The following ARHGAP26 variants were observed in gnomAD, a reference collection of about 807,000 sequenced individuals.
ARHGAP26 encodes the protein rho GTPase-activating protein 26.
Under a neutral mutation model 104.8 loss-of-function variants are expected in ARHGAP26, and 38 were observed. That is an observed-to-expected ratio of 0.36 (90% CI 0.28 to 0.48). The LOEUF (loss-of-function observed/expected upper bound fraction) is 0.48. Ranked by LOEUF, ARHGAP26 falls within the 20% of genes least tolerant of loss-of-function variation. The pLI, the probability that ARHGAP26 is intolerant of heterozygous loss-of-function variation, is 0.99. For synonymous variants in ARHGAP26, 341 were observed against 340.0 expected (o/e 1.00, Z -0.03); for missense variants, 704 against 947.9 (o/e 0.74, Z 3.38).
chr5:142,861,938 A>T (rs1256781332), intron 1 of ARHGAP26, among the ~76,000 whole-genome samples: 1 of 152,170 alleles, frequency 6.6e-6, no homozygotes, highest in Non-Finnish European at 1.5e-5. Flanking sequence ...TTGCCCTCAA[A>T]TTCACGTTAG....
At chr5:142,788,349 C>T (rs1333407413) in intron 1 of ARHGAP26, among the ~76,000 whole-genome samples, 2 of 152,174 alleles carry the variant, frequency 1.3e-5, no homozygotes, top group Admixed American at 6.5e-5. Context: ...GCTTGCTTCC[C>T]GACTCCCACC....
At chr5:143,050,449 A>G (rs1784852134) in intron 14 of ARHGAP26, among the ~76,000 whole-genome samples, 1 of 152,092 alleles carries the variant, frequency 6.6e-6, no homozygotes, top group Admixed American at 6.5e-5. Flanking sequence ...TTATAGTAGC[A>G]TGCTTCACCC....
intron 17 of ARHGAP26, among the ~76,000 whole-genome samples, chr5:143,074,506 GA>G (rs1431561343): frequency 6.6e-6 from 1 of 152,018 alleles, no homozygotes; most frequent in Non-Finnish European, 1.5e-5. Context: ...AAATAATTGA[GA>G]AAAAAATGCA....
intron 19 of ARHGAP26, among the ~76,000 whole-genome samples, chr5:143,146,773 G>A (rs909768750): frequency 2.6e-5 from 4 of 152,224 alleles, no homozygotes; most frequent in Non-Finnish European, 5.9e-5. Flanking sequence ...GAGGCTCTAT[G>A]GAATTGGAGG....
At position 143,140,661 on chromosome 5, in the gene ARHGAP26, T is replaced by TC. The variant is rs1164408750; in HGVS notation, c.1837+6562dup. Among the ~76,000 whole-genome samples the TC allele has an allele frequency of 3.4e-5, 5 of 146,964 alleles. No homozygotes were observed. In the South Asian group the frequency reaches 8.7e-4, roughly 26 times the overall value. ...GCCCATATGTGAGGGAAATGCAGAT[T>TC]CCCCCCGGCCCCTGAGACAGCCTGT... On this transcript the variant is annotated intron_variant, in intron 19 of 22. Transcript: ENST00000645722.
chr5:143,022,231 C>G (rs562537476), intron 12 of ARHGAP26, among the ~76,000 whole-genome samples: 6 of 152,262 alleles, frequency 3.9e-5, no homozygotes, highest in East Asian at 3.9e-4. Context: ...GCTACCACAC[C>G]TGGCTAATTT....
chr5:143,168,936 T>C (rs1195272032), intron 20 of ARHGAP26: 2 of 152,250 alleles, frequency 1.3e-5, no homozygotes, highest in East Asian at 3.8e-4. Context: ...TTTATTTTCA[T>C]TTGGATGGGT....
intron 20 of ARHGAP26, among the ~76,000 whole-genome samples, chr5:143,186,633 T>G (rs1294662163): frequency 1.3e-5 from 2 of 152,212 alleles, no homozygotes; most frequent in African/African-American, 4.8e-5. Flanking sequence ...AGCTCAGGAT[T>G]GACACCTCCA....
intron 17 of ARHGAP26, among the ~76,000 whole-genome samples, chr5:143,078,810 T>C (rs575183651): frequency 6.6e-6 from 1 of 152,314 alleles, no homozygotes; most frequent in Non-Finnish European, 1.5e-5. Flanking sequence ...AAAATCAACT[T>C]TAGAGACTTT....
chr5:142,912,901 T>A (rs979323719), intron 9 of ARHGAP26, among the ~76,000 whole-genome samples: 1 of 152,194 alleles, frequency 6.6e-6, no homozygotes, highest in Non-Finnish European at 1.5e-5. Flanking sequence ...TCTACTCTTA[T>A]CAAACCTGCA....
At chr5:143,127,409 A>C (rs538347179) in intron 18 of ARHGAP26, among the ~76,000 whole-genome samples, 1 of 152,312 alleles carries the variant, frequency 6.6e-6, no homozygotes, top group Non-Finnish European at 1.5e-5. Context: ...TTGACAAAAT[A>C]AGTTATAATA....
chr5:143,160,076 T>TC (rs1396106732), intron 20 of ARHGAP26, among the ~76,000 whole-genome samples: 3 of 151,324 alleles, frequency 2.0e-5, no homozygotes, highest in African/African-American at 7.3e-5. Flanking sequence ...TTTTTTTTTT[T>TC]TGAGACGGAG....
intron 9 of ARHGAP26, 132 bp downstream of exon 9, chr5:142,907,936 ATTTT>A: frequency 2.1e-6 from 1 of 471,452 alleles, no homozygotes; most frequent in Non-Finnish European, 3.3e-6. Flanking sequence ...AATTTAAAAA[ATTTT>A]TATATAGTAG....
intron 20 of ARHGAP26, among the ~76,000 whole-genome samples, chr5:143,186,615 TGAGCCA>T (rs1254767446): frequency 6.6e-6 from 1 of 152,234 alleles, no homozygotes; most frequent in Non-Finnish European, 1.5e-5. Context: ...GTTTCATAAA[TGAGCCA>T]GAGCTCAGGA....
intron 17 of ARHGAP26, among the ~76,000 whole-genome samples, chr5:143,080,211 G>A (rs913416400): frequency 2.0e-5 from 3 of 152,168 alleles, no homozygotes; most frequent in Admixed American, 2.0e-4. Flanking sequence ...ATATAGCAGT[G>A]CCCAAGACAG....
chr5:142,924,083 C>T (rs1477131962), intron 10 of ARHGAP26, among the ~76,000 whole-genome samples: 1 of 151,928 alleles, frequency 6.6e-6, no homozygotes, highest in Non-Finnish European at 1.5e-5. Context: ...AGGATGGTCT[C>T]GATCTCCTGA....
intron 20 of ARHGAP26, among the ~76,000 whole-genome samples, chr5:143,178,073 C>T (rs1249491123): frequency 1.5e-5 from 2 of 134,278 alleles, no homozygotes; most frequent in East Asian, 2.5e-4. Flanking sequence ...AATCTCTGTT[C>T]ACTACAACCT....
Position 143,147,325 on chromosome 5 carries a change from C to T in ARHGAP26, c.1932C>T (p.Asn644=), listed in dbSNP as rs1387397659. The change falls in exon 20 of 23, where the codon AAC becomes AAT. Residue 644 remains asparagine, a synonymous_variant. Coordinates refer to ENST00000645722, the MANE Select transcript of ARHGAP26 (RefSeq NM_001135608.3). ...ATTCCAGCAGCAGCTTACAGCCCAA[C>T]ATGAACTCCAGTGACCCAGACCTGG... ...ILNSSSSLQP[N]MNSSDPDLAV... 1.2e-6 allele frequency: 2 copies of T among 1,614,072 alleles called. No homozygotes were observed. The highest frequency in any genetic ancestry group is 1.7e-5 in the Admixed American group (1 of 60,020).
At chr5:143,148,579 G>C (rs1799430936) in intron 20 of ARHGAP26, among the ~76,000 whole-genome samples, 1 of 152,216 alleles carries the variant, frequency 6.6e-6, no homozygotes, top group Non-Finnish European at 1.5e-5. Flanking sequence ...TTATTTGCCT[G>C]TTGAGTGGTA....
Sources: gnomAD v4.1 joint callset for allele counts (sites outside exome capture counted in the v4.1 genomes callset) on GRCh38, gnomAD v4.1.1 for gene constraint, MANE v1.5 for transcripts, NCBI Gene and HGNC (gene_info 2026-07-23, HGNC 2026-07-21) for gene names.